Variants in MAD1L1 observed in about 807,000 individuals in gnomAD.
MAD1L1 encodes the protein mitotic spindle assembly checkpoint protein MAD1.
In MAD1L1, 95 loss-of-function variants were observed where a neutral mutation model predicts 96.9. The observed-to-expected ratio is 0.98, with a 90% CI of 0.83 to 1.16. The LOEUF (loss-of-function observed/expected upper bound fraction) is 1.16, where lower values mean the gene tolerates loss of function less well. Ranked by LOEUF, MAD1L1 falls within the 50% of genes most tolerant of loss-of-function variation. The pLI, the probability that MAD1L1 is intolerant of heterozygous loss-of-function variation, is 0.00. For missense variants in MAD1L1, 1,007 were observed against 954.4 expected (o/e 1.06, Z -0.73); for synonymous variants, 473 against 396.6 (o/e 1.19, Z -2.29).
chr7:2,046,832 C>T (rs1783942606), intron 12 of MAD1L1, among the ~76,000 whole-genome samples: 1 of 152,156 alleles, frequency 6.6e-6, no homozygotes, highest in Non-Finnish European at 1.5e-5. Context: ...CAGACAGGAG[C>T]CTCAGGTCTA....
chr7:1,886,608 T>C (rs10233586), intron 18 of MAD1L1, among the ~76,000 whole-genome samples: 6,950 of 152,336 alleles, frequency 0.046, 302 homozygotes, highest in African/African-American at 0.11. Context: ...TGTGGGCGTG[T>C]GCAGGTTCTC....
At chr7:2,050,924 C>A (rs896555011) in intron 12 of MAD1L1, among the ~76,000 whole-genome samples, 1 of 152,220 alleles carries the variant, frequency 6.6e-6, no homozygotes, top group Non-Finnish European at 1.5e-5. Context: ...TAGAAAGACT[C>A]AAGAGGCTTC....
intron 14 of MAD1L1, among the ~76,000 whole-genome samples, chr7:1,981,276 G>C (rs150931225): frequency 1.8e-4 from 28 of 152,308 alleles, no homozygotes; most frequent in Admixed American, 3.9e-4. Flanking sequence ...CAGGAGTGTG[G>C]ATTCTAACTC....
intron 12 of MAD1L1, among the ~76,000 whole-genome samples, chr7:2,038,255 C>T (rs1247969908): frequency 6.6e-6 from 1 of 152,134 alleles, no homozygotes; most frequent in Non-Finnish European, 1.5e-5. Context: ...GTCCCCATCA[C>T]ATAAAAGTAC....
intron 5 of MAD1L1, among the ~76,000 whole-genome samples, chr7:2,220,108 C>T (rs1050067244): frequency 3.9e-5 from 6 of 152,230 alleles, no homozygotes; most frequent in African/African-American, 1.4e-4. Flanking sequence ...CTAGCGACAT[C>T]GCCCTCACAC....
At chr7:2,049,178 A>G (rs6943102) in intron 12 of MAD1L1, among the ~76,000 whole-genome samples, 22,052 of 152,280 alleles carry the variant, frequency 0.14, 2,460 homozygotes, top group African/African-American at 0.3. Flanking sequence ...GAGAGGAAGC[A>G]AAGGCAAAGA....
intron 11 of MAD1L1, among the ~76,000 whole-genome samples, chr7:2,113,727 G>A (rs1413499941): frequency 1.3e-5 from 2 of 152,176 alleles, no homozygotes; most frequent in Non-Finnish European, 2.9e-5. Flanking sequence ...ACAGAACATG[G>A]TGATGTCGCA....
At chr7:2,147,532 G>A (rs1789369528) in intron 11 of MAD1L1, among the ~76,000 whole-genome samples, 1 of 152,234 alleles carries the variant, frequency 6.6e-6, no homozygotes, top group Admixed American at 6.5e-5. Flanking sequence ...TCCCAGACCA[G>A]CGCAGTACTG....
chr7:2,219,499 C>T (rs73041377), intron 5 of MAD1L1, 43 bp from the exon 6 acceptor site: 57,244 of 1,600,096 alleles, frequency 0.036, 1,218 homozygotes, highest in South Asian at 0.054. Flanking sequence ...TGAGTGGAGC[C>T]CGTGCGTGGA....
intron 12 of MAD1L1, among the ~76,000 whole-genome samples, chr7:2,031,907 T>C (rs1783244467): frequency 6.6e-6 from 1 of 152,274 alleles, no homozygotes; most frequent in Non-Finnish European, 1.5e-5. Flanking sequence ...CTACTCAGCC[T>C]GAGCAGTCAG....
intron 11 of MAD1L1, among the ~76,000 whole-genome samples, chr7:2,104,971 A>T (rs1469937466): frequency 1.3e-5 from 2 of 152,194 alleles, no homozygotes; most frequent in African/African-American, 4.8e-5. Flanking sequence ...TTAAAACACG[A>T]AGGGAACTAC....
At chr7:1,913,241 T>G (rs1263339517) in intron 17 of MAD1L1, among the ~76,000 whole-genome samples, 2 of 151,964 alleles carry the variant, frequency 1.3e-5, no homozygotes, top group Non-Finnish European at 2.9e-5. Flanking sequence ...GCTCCAGTAA[T>G]TGGAGCAGCC....
At chr7:1,911,748 C>G (rs538828914) in intron 17 of MAD1L1, among the ~76,000 whole-genome samples, 2 of 152,110 alleles carry the variant, frequency 1.3e-5, no homozygotes, top group African/African-American at 4.8e-5. Flanking sequence ...CCAGATGAGG[C>G]CCCTCTTGGG....
chr7:2,025,888 C>T (rs949627680), intron 12 of MAD1L1, among the ~76,000 whole-genome samples: 5 of 151,864 alleles, frequency 3.3e-5, no homozygotes, highest in African/African-American at 4.8e-5. Flanking sequence ...AACAAGATAA[C>T]GATCATAAAA....
chr7:2,172,031 C>T (rs1307274388), intron 10 of MAD1L1, among the ~76,000 whole-genome samples: 1 of 152,184 alleles, frequency 6.6e-6, no homozygotes, highest in Non-Finnish European at 1.5e-5. Flanking sequence ...AGCCACTCAT[C>T]GGCTGTGAGT....
At chr7:1,987,537 T>G (rs1369422653) in intron 14 of MAD1L1, among the ~76,000 whole-genome samples, 1 of 149,846 alleles carries the variant, frequency 6.7e-6, no homozygotes, top group African/African-American at 2.5e-5. Context: ...CGTGTAGACA[T>G]ATCAGTATTT....
chr7:1,885,939 C>A (rs193286836), intron 18 of MAD1L1, among the ~76,000 whole-genome samples: 2 of 152,390 alleles, frequency 1.3e-5, no homozygotes, highest in East Asian at 3.9e-4. Flanking sequence ...GGGGGCCACA[C>A]GCCTGGCTTC....
At chr7:1,969,001 G>A (rs965668969) in intron 15 of MAD1L1, among the ~76,000 whole-genome samples, 2 of 152,182 alleles carry the variant, frequency 1.3e-5, no homozygotes, top group African/African-American at 4.8e-5. Context: ...GAGAGAAACC[G>A]GGTGAAGAGG....
intron 11 of MAD1L1, among the ~76,000 whole-genome samples, chr7:2,072,315 C>T (rs891785460): frequency 2.2e-4 from 33 of 152,340 alleles, no homozygotes; most frequent in Non-Finnish European, 4.4e-4. Context: ...ACTGCTGCGA[C>T]GTGAGAGCAG....
Sources: allele counts gnomAD v4.1 joint callset (sites outside exome capture counted in the v4.1 genomes callset), GRCh38; gene constraint gnomAD v4.1.1; transcripts MANE v1.5; gene names NCBI Gene and HGNC (gene_info 2026-07-23, HGNC 2026-07-21).